ARRDC2: variants seen among roughly 807,000 people sequenced by gnomAD.
ARRDC2 encodes arrestin domain containing 2, also known as arrestin domain-containing protein 2.
A neutral mutation model predicts 38.9 loss-of-function variants in ARRDC2; 39 were observed. That is an observed-to-expected ratio of 1.00 (90% CI 0.78 to 1.31). The LOEUF (loss-of-function observed/expected upper bound fraction) is 1.31. Among genes scored for constraint, ARRDC2 ranks in the 50% most tolerant of loss-of-function variants. The pLI, the probability that ARRDC2 is intolerant of heterozygous loss-of-function variation, is 0.00. For missense variants in ARRDC2, 553 were observed against 588.4 expected, an observed-to-expected ratio of 0.94 and a Z score of 0.62; for synonymous variants, 300 against 261.9, an observed-to-expected ratio of 1.15 and a Z score of -1.41.
chr19:18,005,913 G>A (rs1406887925), upstream of ARRDC2, among the ~76,000 whole-genome samples: 1 of 150,938 alleles, frequency 6.6e-6, no homozygotes, highest in African/African-American at 2.4e-5. Context: ...TCTCAGACGG[G>A]GCGGCCGGGC....
chr19:18,010,332 T>TG lies in ARRDC2; in HGVS notation c.991dup (p.Ala331GlyfsTer7), dbSNP rs990296949. Reference sequence around the variant, plus strand: ...GCCAGCTTCCTGCTGGACTGGAGGCTGGGGGCCTTGCCGGAGCGGCCTGAG... The same window carrying TG: ...GCCAGCTTCCTGCTGGACTGGAGGCTGGGGGGCCTTGCCGGAGCGGCCTGAG... On this transcript the variant is annotated frameshift_variant, in exon 6 of 8. Transcript: ENST00000222250. LOFTEE classifies it high-confidence loss of function. The TG allele has an allele frequency of 3.7e-6, 6 of 1,611,494 alleles. No homozygotes were observed. The highest frequency in any genetic ancestry group is 3.4e-6 in the Non-Finnish European group (4 of 1,179,986).
chr19:18,011,346 G>T (rs998388707), intron 7 of ARRDC2, among the ~76,000 whole-genome samples: 5 of 151,880 alleles, frequency 3.3e-5, no homozygotes, highest in Non-Finnish European at 5.9e-5. Flanking sequence ...TGCCCAGGCT[G>T]GTCTTGAACT....
Position 18,013,869 on chromosome 19 carries a change from C to T in ARRDC2, c.*903C>T, listed in dbSNP as rs1254839565. The T allele has an allele frequency of 1.3e-5, 2 of 152,138 alleles. No homozygotes were observed. The highest frequency in any genetic ancestry group is 4.8e-5 in the African/African-American group (2 of 41,430). The allele number at this position is 152,138 out of a possible 1,614,324, so 9.4% of individuals were successfully genotyped here. On this transcript the variant is annotated 3_prime_UTR_variant, in exon 8 of 8. Coordinates refer to ENST00000222250, the MANE Select transcript of ARRDC2 (RefSeq NM_015683.2). ...AGACAGTGACAGCATTACGTCACCCCTGGGGACAGAGGTCAGCCTAAGGTG... is the reference window on the plus strand; with the variant it reads ...AGACAGTGACAGCATTACGTCACCCTTGGGGACAGAGGTCAGCCTAAGGTG...
Position 18,008,269 on chromosome 19 carries a change from G to C in ARRDC2, c.-42G>C, listed in dbSNP as rs1318561752. 2 of 1,569,244 alleles carry C rather than the reference G, an allele frequency of 1.3e-6. No individual in the cohort carries two copies. Among genetic ancestry groups the C allele is most frequent in the Non-Finnish European group, 1.7e-6 (2 of 1,168,966 alleles). The stretch of plus-strand genomic sequence containing the variant: ...TCTTGAGCTGCCGGTTCGCGAGTTC[G>C]AGGCCAGGTTCCGCCTGTCGTGGGT... On this transcript the variant is annotated 5_prime_UTR_variant, in exon 1 of 8. Transcript: ENST00000222250.
upstream of ARRDC2, among the ~76,000 whole-genome samples, chr19:18,004,991 AAAAAG>A (rs1052832582): frequency 1.3e-5 from 2 of 151,790 alleles, no homozygotes; most frequent in East Asian, 1.9e-4. Flanking sequence ...TCTCAAAAAA[AAAAAG>A]AAAAGCAAAT....
upstream of ARRDC2, chr19:18,008,121 A>ACCCC (rs149842719): frequency 1.0e-4 from 38 of 370,752 alleles, no homozygotes; most frequent in South Asian, 2.5e-4. Context: ...CGGTGACCCC[A>ACCCC]CCCCCCCCCG....
upstream of ARRDC2, among the ~76,000 whole-genome samples, chr19:18,005,980 T>A: frequency 6.9e-6 from 1 of 145,230 alleles, no homozygotes; most frequent in Non-Finnish European, 1.5e-5. Context: ...TCTCCTCACA[T>A]CCCAGACGGG....
In ARRDC2 at chr19:18,008,346, G is replaced by A; in HGVS notation, c.36G>A (p.Gln12=). The A allele has an allele frequency of 6.3e-7, 1 of 1,597,204 alleles. No individual in the cohort carries two copies. Among genetic ancestry groups the A allele is most frequent in the Non-Finnish European group, 8.5e-7 (1 of 1,179,094 alleles). The change falls in exon 1 of 8, where the codon CAG becomes CAA. Residue 12 remains glutamine (Q), a synonymous_variant. Transcript: ENST00000222250. ...ACAAGGTGAAAGCGTTCTCGGTGCA[G>A]TTGGACGGCGCGACCGCGGGCGTCG... is the stretch of plus-strand genomic sequence containing the variant. ...LFDKVKAFSV[Q]LDGATAGVEP... is the part of the protein sequence containing the mutation.
chr19:18,005,206 T>C (rs868625331), upstream of ARRDC2, among the ~76,000 whole-genome samples: 10 of 151,978 alleles, frequency 6.6e-5, no homozygotes, highest in Middle Eastern at 3.4e-3. Context: ...ACGAGCATGC[T>C]GCCTTCAAGC....
chr19:18,008,755 C>T lies in ARRDC2; in HGVS notation c.319C>T (p.Leu107=). 1.9e-6 allele frequency: 3 copies of T among 1,613,612 alleles called. No homozygotes were observed. Among genetic ancestry groups the T allele is most frequent in the Non-Finnish European group, 2.5e-6 (3 of 1,180,030 alleles). The change falls in exon 2 of 8, where the codon CTG becomes TTG. Residue 107 remains leucine (L), a synonymous_variant. Transcript: ENST00000222250. Reference sequence around the variant, plus strand: ...GCTGCCTCCTGGGCGCCATGAGTTCCTGTTCAGCTTCCAGCTGCCCCCGTA... The same window carrying T: ...GCTGCCTCCTGGGCGCCATGAGTTCTTGTTCAGCTTCCAGCTGCCCCCGTA... ...TTLPPGRHEF[L]FSFQLPPTLV... is the part of the protein sequence containing the mutation.
chr19:18,008,863 G>A, intron 2 of ARRDC2, 86 bp downstream of exon 2: 1 of 1,596,238 alleles, frequency 6.3e-7, no homozygotes. Context: ...GGGCACCTCT[G>A]AGCCCCAAGA....
At chr19:18,005,023 T>C (rs1482934378), upstream of ARRDC2, among the ~76,000 whole-genome samples, 1 of 150,734 alleles carries the variant, frequency 6.6e-6, no homozygotes, top group Non-Finnish European at 1.5e-5. Context: ...AAAATTTTTT[T>C]TTTTTAATTG....
In ARRDC2 at chr19:18,012,852, C is replaced by A. The variant is rs117402622; in HGVS notation, c.1171-61C>A. The A allele has an allele frequency of 1.2e-3, 1,835 of 1,537,354 alleles. 33 individuals carry two copies. In the East Asian group the frequency reaches 0.04, roughly 33 times the overall value. On this transcript the variant is annotated intron_variant, in intron 7 of 7. Transcript: ENST00000222250. ...AGTTGGGAGATGGCTAGATGGGGAGCGGTATTTCTGAATTTCTGTTTCCAG... is the reference window on the plus strand; with the variant it reads ...AGTTGGGAGATGGCTAGATGGGGAGAGGTATTTCTGAATTTCTGTTTCCAG...
Position 18,009,849 on chromosome 19 carries a change from C to T in ARRDC2, c.659C>T (p.Ala220Val), listed in dbSNP as rs1599399569. The T allele has an allele frequency of 1.2e-6, 2 of 1,612,268 alleles. No individual in the cohort carries two copies. Among genetic ancestry groups the T allele is most frequent in the African/African-American group, 1.3e-5 (1 of 75,068 alleles). The change falls in exon 5 of 8, where the codon GCC (alanine) becomes GTC (valine). Residue 220 changes from alanine (A) to valine (V), a missense_variant. Ala to Val is a moderately conservative substitution (Grantham distance 64). This residue lies in a region of ARRDC2 where 447 missense variants were observed against 456.6 expected (regional missense o/e 0.98). Transcript: ENST00000222250. ...GSTRPVLPRA[A>V]VVQTQTFMAR... ...ACACGTCCTGTGCTGCCTCGGGCAG[C>T]CGTGGTGCAGACACAGACGTTCATG...
Position 18,013,837 on chromosome 19 carries a change from G to C in ARRDC2, c.*871G>C, listed in dbSNP as rs953871428. Reference sequence around the variant, plus strand: ...ACTGGGCTCCCTGTTAAACGATGAAGAATTCAAGACAGTGACAGCATTACG... The same window carrying C: ...ACTGGGCTCCCTGTTAAACGATGAACAATTCAAGACAGTGACAGCATTACG... On this transcript the variant is annotated 3_prime_UTR_variant, in exon 8 of 8. Transcript: ENST00000222250. The C allele has an allele frequency of 2.0e-5, 3 of 152,180 alleles. No individual in the cohort carries two copies. The highest frequency in any genetic ancestry group is 7.2e-5 in the African/African-American group (3 of 41,426). The allele number at this position is 152,180 out of a possible 1,614,324, so 9.4% of individuals were successfully genotyped here.
intron 1 of ARRDC2, chr19:18,001,711 G>A (rs1010933377): frequency 1.9e-6 from 2 of 1,053,878 alleles, no homozygotes; most frequent in African/African-American, 1.6e-5. Context: ...CCCTTCCCGG[G>A]GTCCTGACCC....
exon 1 of ARRDC2, chr19:18,001,163 G>C (rs1179082293): frequency 1.2e-6 from 1 of 857,330 alleles, no homozygotes; most frequent in Non-Finnish European, 1.5e-6. Flanking sequence ...CGCCCGCCCT[G>C]GGCCACCGGC....
upstream of ARRDC2, chr19:18,008,138 CGTAT>C: frequency 6.0e-6 from 8 of 1,339,094 alleles, no homozygotes; most frequent in Non-Finnish European, 4.8e-6. Flanking sequence ...CCCGCCCTGC[CGTAT>C]AAAAGCGGCG....
At chr19:18,006,449 AC>A (rs2033280082), upstream of ARRDC2, among the ~76,000 whole-genome samples, 1 of 151,954 alleles carries the variant, frequency 6.6e-6, no homozygotes, top group Admixed American at 6.6e-5. Context: ...ACACAGCGAA[AC>A]CCCTTCTCCA....
Sources: allele counts gnomAD v4.1 joint callset (sites outside exome capture counted in the v4.1 genomes callset), GRCh38; gene constraint gnomAD v4.1.1; regional missense constraint gnomAD v4.1.1; transcripts MANE v1.5; gene names NCBI Gene and HGNC (gene_info 2026-07-23, HGNC 2026-07-21).